The following SLC35F1 variants were observed in gnomAD, a reference collection of about 807,000 sequenced individuals.
SLC35F1 encodes solute carrier family 35 member F1.
SLC35F1 carries 14 observed loss-of-function variants against 48.7 expected under a neutral mutation model. That is an observed-to-expected ratio of 0.29 (90% CI 0.19 to 0.45). SLC35F1 has a LOEUF of 0.45. Ranked by LOEUF, SLC35F1 falls within the 20% of genes least tolerant of loss-of-function variation. SLC35F1 has a pLI of 1.00. For missense variants in SLC35F1, 404 were observed against 500.0 expected, an observed-to-expected ratio of 0.81 and a Z score of 1.83; for synonymous variants, 190 against 202.2, an observed-to-expected ratio of 0.94 and a Z score of 0.51.
At position 118,159,734 on chromosome 6, in the gene SLC35F1, G is replaced by C. The variant is rs118141873; in HGVS notation, c.349+5114G>C. On this transcript the variant is annotated intron_variant, in intron 2 of 7. Coordinates refer to ENST00000360388, the MANE Select transcript of SLC35F1 (RefSeq NM_001029858.4). ...ATGTGACAGACTTTTAAAGACAAAG[G>C]TGAAACTAGGATACAGTTCCTATCA... is the stretch of plus-strand genomic sequence containing the variant. 6.3e-3 allele frequency among the ~76,000 whole-genome samples: 957 copies of C among 152,236 alleles called. 5 individuals carry two copies. Among genetic ancestry groups the C allele is most frequent in the Non-Finnish European group, 7.6e-3 (520 of 68,006 alleles).
At chr6:118,078,952 C>T (rs528825727) in intron 1 of SLC35F1, among the ~76,000 whole-genome samples, 1 of 152,298 alleles carries the variant, frequency 6.6e-6, no homozygotes, top group South Asian at 2.1e-4. Flanking sequence ...TGCTGAAGCC[C>T]ATCTTTAGAT....
chr6:118,120,569 T>C (rs577777940), intron 1 of SLC35F1, among the ~76,000 whole-genome samples: 2 of 152,320 alleles, frequency 1.3e-5, no homozygotes, highest in East Asian at 1.9e-4. Context: ...CCTGTGAACA[T>C]GAATTTGTTG....
At chr6:118,154,855 A>C (rs1774116211) in intron 2 of SLC35F1, among the ~76,000 whole-genome samples, 1 of 152,204 alleles carries the variant, frequency 6.6e-6, no homozygotes, top group Admixed American at 6.5e-5. Context: ...AAAACTGTAC[A>C]ATTGCTCACT....
intron 3 of SLC35F1, among the ~76,000 whole-genome samples, chr6:118,259,305 T>G (rs904025659): frequency 4.6e-5 from 7 of 151,964 alleles, no homozygotes. Flanking sequence ...CCACTAACTT[T>G]GTGGAGAAAA....
intron 1 of SLC35F1, among the ~76,000 whole-genome samples, chr6:118,054,110 C>A (rs1301906759): frequency 1.3e-5 from 2 of 152,072 alleles, no homozygotes; most frequent in Non-Finnish European, 2.9e-5. Context: ...ATGATAATTA[C>A]CATGTATTGT....
intron 1 of SLC35F1, among the ~76,000 whole-genome samples, chr6:118,013,169 C>T (rs1193328898): frequency 6.6e-6 from 1 of 152,180 alleles, no homozygotes; most frequent in Non-Finnish European, 1.5e-5. Flanking sequence ...TCATCTCCTA[C>T]TAAGGCAAAA....
At chr6:117,922,042 A>AG (rs1210047667) in intron 1 of SLC35F1, among the ~76,000 whole-genome samples, 1 of 152,246 alleles carries the variant, frequency 6.6e-6, no homozygotes, top group African/African-American at 2.4e-5. Flanking sequence ...TTAAGATCCA[A>AG]GGATTCTCTT....
At position 118,213,666 on chromosome 6, in the gene SLC35F1, C is replaced by T. The variant is rs572304537; in HGVS notation, c.350-21843C>T. Among the ~76,000 whole-genome samples, 6 of 152,244 alleles carry T rather than the reference C, an allele frequency of 3.9e-5. No homozygotes were observed. In the South Asian group the frequency reaches 1.2e-3, roughly 32 times the overall value. ...ACTTATTTGTATATAGCATGGATAA[C>T]TCACACACACAGTGTTGAGTGAAAA... On this transcript the variant is annotated intron_variant, in intron 2 of 7. Transcript: ENST00000360388.
intron 1 of SLC35F1, among the ~76,000 whole-genome samples, chr6:117,933,497 A>G (rs1776126822): frequency 6.6e-6 from 1 of 152,208 alleles, no homozygotes; most frequent in Admixed American, 6.5e-5. Flanking sequence ...ATCACCTCCC[A>G]AAAAGAATAG....
intron 7 of SLC35F1, among the ~76,000 whole-genome samples, chr6:118,301,484 AG>A (rs1341300318): frequency 3.9e-5 from 6 of 152,288 alleles, no homozygotes; most frequent in Non-Finnish European, 8.8e-5. Flanking sequence ...TGCAGTGTTA[AG>A]GGGGGGTATG....
At chr6:118,297,626 A>ATATATATAT (rs1184545605) in intron 7 of SLC35F1, among the ~76,000 whole-genome samples, 13 of 86,576 alleles carry the variant, frequency 1.5e-4, no homozygotes, top group African/African-American at 3.4e-4. Context: ...CAGAACTTAT[A>ATATATATAT]TATATATATA....
intron 1 of SLC35F1, among the ~76,000 whole-genome samples, chr6:117,941,727 C>G (rs1164139207): frequency 6.6e-6 from 1 of 152,178 alleles, no homozygotes; most frequent in Non-Finnish European, 1.5e-5. Flanking sequence ...TCAAGTATCA[C>G]TAAAAATTTG....
intron 6 of SLC35F1, among the ~76,000 whole-genome samples, chr6:118,280,306 T>C (rs1216908098): frequency 6.6e-6 from 1 of 152,162 alleles, no homozygotes; most frequent in Non-Finnish European, 1.5e-5. Flanking sequence ...CGGGTCATAC[T>C]GTCATACTGT....
intron 1 of SLC35F1, among the ~76,000 whole-genome samples, chr6:118,020,039 G>T (rs1777374032): frequency 6.6e-6 from 1 of 152,144 alleles, no homozygotes; most frequent in African/African-American, 2.4e-5. Context: ...CTATTTGTTT[G>T]TGGTGCAGTC....
At chr6:118,008,915 C>T (rs1463292294) in intron 1 of SLC35F1, among the ~76,000 whole-genome samples, 2 of 152,096 alleles carry the variant, frequency 1.3e-5, no homozygotes, top group Admixed American at 1.3e-4. Context: ...TTAATATAAA[C>T]TAAAGACCTA....
chr6:118,182,370 G>A (rs1342012393), intron 2 of SLC35F1, among the ~76,000 whole-genome samples: 1 of 151,510 alleles, frequency 6.6e-6, no homozygotes, highest in Non-Finnish European at 1.5e-5. Flanking sequence ...CACCTCTGAG[G>A]CCTCAGTTAC....
chr6:117,998,282 T>C (rs1366606615), intron 1 of SLC35F1, among the ~76,000 whole-genome samples: 7 of 146,548 alleles, frequency 4.8e-5, no homozygotes, highest in African/African-American at 1.8e-4. Context: ...AAGCAAGTCC[T>C]GAGTGACCTA....
intron 1 of SLC35F1, among the ~76,000 whole-genome samples, chr6:118,037,570 G>A (rs139349453): frequency 2.6e-4 from 40 of 152,132 alleles, no homozygotes; most frequent in African/African-American, 8.4e-4. Flanking sequence ...ACATGCACAC[G>A]TATGTTTATT....
chr6:118,238,249 C>T (rs1342419013), intron 3 of SLC35F1, among the ~76,000 whole-genome samples: 1 of 152,066 alleles, frequency 6.6e-6, no homozygotes, highest in East Asian at 1.9e-4. Flanking sequence ...CCTTAGGATG[C>T]TTTCAAATTA....
Sources: allele counts gnomAD v4.1 joint callset (sites outside exome capture counted in the v4.1 genomes callset), GRCh38; gene constraint gnomAD v4.1.1; transcripts MANE v1.5; gene names NCBI Gene and HGNC (gene_info 2026-07-23, HGNC 2026-07-21).